Variants in PRKAR1A observed in about 807,000 individuals in gnomAD.
PRKAR1A encodes the protein protein kinase cAMP-dependent type I regulatory subunit alpha, also known as cAMP-dependent protein kinase type I-alpha regulatory subunit.
Under a neutral mutation model 52.0 loss-of-function variants are expected in PRKAR1A, and 3 were observed. The ratio of observed to expected loss-of-function variants is 0.06; its 90% CI spans 0.03 to 0.15. The LOEUF is 0.15. Among genes scored for constraint, PRKAR1A ranks in the 10% least tolerant of loss-of-function variants. PRKAR1A has a pLI of 1.00. For missense variants in PRKAR1A, 240 were observed against 477.4 expected, an observed-to-expected ratio of 0.50 and a Z score of 4.63; for synonymous variants, 188 against 168.4, an observed-to-expected ratio of 1.12 and a Z score of -0.90.
chr17:68,445,979 A>C, the PRKAR1A span, among the ~76,000 whole-genome samples: 1 of 152,196 alleles, frequency 6.6e-6, no homozygotes, highest in Admixed American at 6.5e-5. Flanking sequence ...CTGAGGCTCA[A>C]GAACCACTGG....
At chr17:68,469,675 A>G in the PRKAR1A span, among the ~76,000 whole-genome samples, 4 of 152,110 alleles carry the variant, frequency 2.6e-5, no homozygotes, top group Non-Finnish European at 1.5e-5. Context: ...ATGCCAATTA[A>G]CTGTATTAGT....
the PRKAR1A span, among the ~76,000 whole-genome samples, chr17:68,458,888 CCA>C: frequency 6.6e-6 from 1 of 152,076 alleles, no homozygotes; most frequent in African/African-American, 2.4e-5. Flanking sequence ...GCGGTTTTCC[CCA>C]TTTCCCACTT....
chr17:68,524,687 A>C (rs1271958089), intron 5 of PRKAR1A, among the ~76,000 whole-genome samples: 1 of 152,160 alleles, frequency 6.6e-6, no homozygotes, highest in African/African-American at 2.4e-5. Flanking sequence ...AGCTTTTAAA[A>C]ATTTTTTTCA....
chr17:68,429,043 T>C, the PRKAR1A span: 42 of 804,992 alleles, frequency 5.2e-5, no homozygotes, highest in East Asian at 1.1e-3. Context: ...ATTCTGCCTT[T>C]GACAAACCCT....
chr17:68,431,922 C>T, the PRKAR1A span, among the ~76,000 whole-genome samples: 10 of 152,266 alleles, frequency 6.6e-5, no homozygotes, highest in Admixed American at 3.3e-4. Context: ...ATCACTCACT[C>T]GTGGAACCTT....
the PRKAR1A span, chr17:68,426,010 T>G: frequency 7.8e-7 from 1 of 1,285,252 alleles, no homozygotes; most frequent in South Asian, 1.2e-5. Flanking sequence ...GCCTCTCGTA[T>G]GAGGCGAAGG....
At chr17:68,497,378 C>T in the PRKAR1A span, among the ~76,000 whole-genome samples, 1 of 152,092 alleles carries the variant, frequency 6.6e-6, no homozygotes, top group Non-Finnish European at 1.5e-5. Flanking sequence ...TGCTAGTCCC[C>T]GTTCTAGAGG....
At chr17:68,540,006 A>G (rs1278525961) in intron 11 of PRKAR1A, 10 of 1,575,338 alleles carry the variant, frequency 6.3e-6, no homozygotes, top group Non-Finnish European at 7.9e-6. Context: ...CCAGCAGGCC[A>G]GGGGGACAGG....
At chr17:68,486,471 C>CCT in the PRKAR1A span, among the ~76,000 whole-genome samples, 74 of 97,560 alleles carry the variant, frequency 7.6e-4, 1 homozygote, top group South Asian at 2.3e-3. Context: ...CTTTCTTTCT[C>CCT]TCCTTCCTTC....
chr17:68,518,558 G>T (rs1161705524), intron 2 of PRKAR1A, among the ~76,000 whole-genome samples: 1 of 152,220 alleles, frequency 6.6e-6, no homozygotes, highest in East Asian at 1.9e-4. Context: ...CAGCTGGAAC[G>T]CAGGGTACCA....
the PRKAR1A span, among the ~76,000 whole-genome samples, chr17:68,469,033 C>T: frequency 6.6e-6 from 1 of 152,154 alleles, no homozygotes; most frequent in Non-Finnish European, 1.5e-5. Context: ...CAGGGAACAT[C>T]AACACCCACT....
At chr17:68,464,699 C>A in the PRKAR1A span, among the ~76,000 whole-genome samples, 3,838 of 80,820 alleles carry the variant, frequency 0.047, 189 homozygotes, top group African/African-American at 0.13. Context: ...AAAAAAAAAA[C>A]AAAAAAAACA....
the PRKAR1A span, among the ~76,000 whole-genome samples, chr17:68,466,043 T>A: frequency 1.3e-5 from 2 of 152,180 alleles, no homozygotes. Flanking sequence ...TGGTTGTCAG[T>A]GTAACTTGGG....
At chr17:68,435,640 G>A in the PRKAR1A span, 4 of 1,614,198 alleles carry the variant, frequency 2.5e-6, no homozygotes, top group South Asian at 4.4e-5. Context: ...GCACTTGCTA[G>A]TTTGGAGCCT....
chr17:68,435,143 G>T, the PRKAR1A span, among the ~76,000 whole-genome samples: 99 of 151,028 alleles, frequency 6.6e-4, no homozygotes, highest in Middle Eastern at 0.014. Flanking sequence ...GGAGGCGGAG[G>T]TTGCAGTGAG....
At chr17:68,540,924 T>C in intron 11 of PRKAR1A, 1 of 1,600,680 alleles carries the variant, frequency 6.2e-7, no homozygotes, top group Non-Finnish European at 8.5e-7. Context: ...TAGATCTGTT[T>C]CACTGTGTCA....
chr17:68,518,667 AAGGTCTGTGACATGCCCTGG>A (rs541077234), intron 2 of PRKAR1A, among the ~76,000 whole-genome samples: 51 of 152,304 alleles, frequency 3.3e-4, no homozygotes, highest in African/African-American at 1.2e-3. Flanking sequence ...GGCTGTCCTG[AAGGTCTGTGACATGCCCTGG>A]AGACATTTTC....
At chr17:68,505,900 A>G in the PRKAR1A span, among the ~76,000 whole-genome samples, 1 of 152,196 alleles carries the variant, frequency 6.6e-6, no homozygotes. Context: ...ATAAGGGAAA[A>G]CCATGTATGG....
downstream of PRKAR1A, chr17:68,537,760 A>G (rs781268933): frequency 1.4e-5 from 22 of 1,603,042 alleles, no homozygotes; most frequent in Non-Finnish European, 1.9e-5. This position sits in a 1 kb window ranked among gnomAD's most constrained non-coding sequence, Gnocchi z 4.2. Flanking sequence ...ACAAAGTTAC[A>G]GGAACCAAAT....
Sources: allele counts gnomAD v4.1 joint callset (sites outside exome capture counted in the v4.1 genomes callset), GRCh38; gene constraint gnomAD v4.1.1; non-coding constraint Gnocchi (gnomAD v3.1); transcripts MANE v1.5; gene names NCBI Gene and HGNC (gene_info 2026-07-23, HGNC 2026-07-21).